The following PRRC2A variants were observed in gnomAD, a reference collection of about 807,000 sequenced individuals.
PRRC2A encodes proline rich coiled-coil 2A.
Under a neutral mutation model 224.6 loss-of-function variants are expected in PRRC2A, and 59 were observed. That is an observed-to-expected ratio of 0.26 (90% CI 0.21 to 0.33). PRRC2A has a LOEUF of 0.33. Among genes scored for constraint, PRRC2A ranks in the 10% least tolerant of loss-of-function variants. The probability of loss-of-function intolerance (pLI) is 1.00; values close to 1 mark genes in which losing one functional copy is unlikely to be tolerated. For missense variants in PRRC2A, 3,095 were observed against 2,880.7 expected, an observed-to-expected ratio of 1.07 and a Z score of -1.70; for synonymous variants, 1,194 against 1,109.5, an observed-to-expected ratio of 1.08 and a Z score of -1.51.
chr6:31,630,913 G>A (rs1776481285), intron 15 of PRRC2A, 112 bp downstream of exon 15: 3 of 1,382,582 alleles, frequency 2.2e-6, no homozygotes, highest in South Asian at 2.7e-5. Context: ...AGGAGAGGCT[G>A]GATGGAGTGG....
chr6:31,620,909 T>TGGTGGCGGTGGC (rs28986177), intron 1 of PRRC2A, 51 bp downstream of exon 1: 43 of 154,278 alleles, frequency 2.8e-4, no homozygotes, highest in South Asian at 8.5e-4. Context: ...GCGGGAGAGG[T>TGGTGGCGGTGGC]GGTGGCGGTG....
rs548021664 is a variant in PRRC2A at position 31,630,520 on chromosome 6, G to A, written c.2255-71G>A. The A allele has an allele frequency of 3.9e-6, 6 of 1,527,772 alleles. No homozygotes were observed. The South Asian group carries it at 4.6e-5, about 12-fold the overall frequency. 94.6% of individuals were successfully genotyped at this position (1,527,772 alleles called of 1,614,324 possible). A position where few individuals can be genotyped will look rare whatever the true frequency, so the allele number is the denominator to read the frequency against. On this transcript the variant is annotated intron_variant, in intron 14 of 30. Transcript: ENST00000376033. Reference sequence around the variant, plus strand: ...TGGAAGAGCTGACTTGACCGCGAGGGGAGATGCTTTTTGGGCTGGAGGGCT... The same window carrying A: ...TGGAAGAGCTGACTTGACCGCGAGGAGAGATGCTTTTTGGGCTGGAGGGCT...
chr6:31,633,076 G>T (rs1362630829), intron 16 of PRRC2A, 84 bp downstream of exon 16: 1 of 1,420,684 alleles, frequency 7.0e-7, no homozygotes. Context: ...TTTGGGTGGA[G>T]TGGAGATTGT....
intron 23 of PRRC2A, 35 bp from the exon 24 acceptor site, chr6:31,635,547 C>T: frequency 6.2e-7 from 1 of 1,611,330 alleles, no homozygotes; most frequent in Non-Finnish European, 8.5e-7. Flanking sequence ...TCCAGGATGC[C>T]AGACATCCCT....
At position 31,628,079 on chromosome 6, in the gene PRRC2A, T is replaced by C; in HGVS notation, c.1605T>C (p.Pro535=). Residue 535 remains proline (P), a synonymous_variant, in exon 12 of 31, where the codon CCT becomes CCC. Coordinates refer to ENST00000376033, the MANE Select transcript of PRRC2A (RefSeq NM_004638.4). ...AACTCCCTGCACCTCCAGCTCCACC[T>C]CCAGCATCAGCCCCAACACCAGAGA... The part of the protein sequence containing the change: ...PKELPAPPAP[P]PASAPTPETE... 13 of 1,612,894 alleles carry C rather than the reference T, an allele frequency of 8.1e-6. No homozygotes were observed. Among genetic ancestry groups the C allele is most frequent in the Non-Finnish European group, 1.1e-5 (13 of 1,179,896 alleles).
intron 1 of PRRC2A, among the ~76,000 whole-genome samples, 167 bp downstream of exon 1, chr6:31,621,025 C>G (rs940899143): frequency 2.6e-5 from 4 of 152,204 alleles, no homozygotes; most frequent in African/African-American, 9.7e-5. Flanking sequence ...CCTCCCCCTC[C>G]GGTACCTCTA....
chr6:31,624,544 G>A (rs972296662), intron 5 of PRRC2A, 22 bp downstream of exon 5: 12 of 1,597,714 alleles, frequency 7.5e-6, no homozygotes, highest in Non-Finnish European at 1.0e-5. Context: ...ACTTAATTGG[G>A]GAGCTGTGTC....
At chr6:31,630,285 C>A (rs1026346335) in intron 14 of PRRC2A, among the ~76,000 whole-genome samples, 1 of 152,026 alleles carries the variant, frequency 6.6e-6, no homozygotes, top group African/African-American at 2.4e-5. Context: ...CCATCGCACT[C>A]CAGCTTAGGC....
In PRRC2A at chr6:31,632,123, A is replaced by G; in HGVS notation, c.3450A>G (p.Pro1150=). 3.2e-6 allele frequency: 5 copies of G among 1,556,988 alleles called. No individual in the cohort carries two copies. Among genetic ancestry groups the G allele is most frequent in the Non-Finnish European group, 4.3e-6 (5 of 1,151,416 alleles). Residue 1150 remains proline, a synonymous_variant, in exon 16 of 31, where the codon CCA becomes CCG. Transcript: ENST00000376033. ...CAGGAGCCCCACCTTCACCAGCCCCAGCCCGCTTCACTGCCCGGGGTGGGC... is the reference window on the plus strand; with the variant it reads ...CAGGAGCCCCACCTTCACCAGCCCCGGCCCGCTTCACTGCCCGGGGTGGGC... The part of the protein sequence containing the change: ...PPPGAPPSPA[P]ARFTARGGRV...
In PRRC2A at chr6:31,635,555, C is replaced by T. The variant is rs929920818; in HGVS notation, c.5374-27C>T. 3.7e-6 allele frequency: 6 copies of T among 1,610,806 alleles called. No individual in the cohort carries two copies. In the African/African-American group the frequency reaches 4.0e-5, roughly 11 times the overall value. ...CAGGGCGTCCAGGATGCCAGACATC[C>T]CTCTCCACGAGGCCTCTCCTTCCCA... On this transcript the variant is annotated intron_variant, in intron 23 of 30. Transcript: ENST00000376033.
Position 31,632,036 on chromosome 6 carries a change from C to G in PRRC2A, c.3363C>G (p.Asp1121Glu). 5 of 1,593,156 alleles carry G rather than the reference C, an allele frequency of 3.1e-6. No individual in the cohort carries two copies. Among genetic ancestry groups the G allele is most frequent in the Non-Finnish European group, 4.3e-6 (5 of 1,167,690 alleles). Reference protein sequence around the residue: ...ETHESDLAPSDKEAPTPKEGT... With the variant: ...ETHESDLAPSEKEAPTPKEGT... ...ATGAGAGTGATCTGGCTCCTTCAGA[C>G]AAGGAGGCTCCCACACCCAAGGAGG... The change falls in exon 16 of 31, where the codon GAC (aspartate) becomes GAG (glutamate). Residue 1121 changes from aspartate (D) to glutamate (E), a missense_variant. This residue lies in a region of PRRC2A where 2,001 missense variants were observed against 1,764.9 expected (regional missense o/e 1.13). Coordinates refer to ENST00000376033, the MANE Select transcript of PRRC2A (RefSeq NM_004638.4).
chr6:31,628,149 C>A lies in PRRC2A; in HGVS notation c.1675C>A (p.Pro559Thr), dbSNP rs45544132. The A allele has an allele frequency of 1.9e-6, 3 of 1,613,032 alleles. No individual in the cohort carries two copies. Among genetic ancestry groups the A allele is most frequent in the South Asian group, 1.1e-5 (1 of 91,082 alleles). The change falls in exon 12 of 31, where the codon CCT becomes ACT. Residue 559 changes from proline to threonine, a missense_variant. Pro to Thr is a conservative substitution (Grantham distance 38, BLOSUM62 -1). This residue lies in a region of PRRC2A where 2,001 missense variants were observed against 1,764.9 expected (regional missense o/e 1.13). Coordinates refer to ENST00000376033, the MANE Select transcript of PRRC2A (RefSeq NM_004638.4). ...PAQAPPAQSTPTPGVAAAPTL... is the reference protein window; with the variant it reads ...PAQAPPAQSTTTPGVAAAPTL... ...ACAGGCCCCTCCTGCCCAATCTACTCCTACTCCAGGTGTGGCTGCGGCTCC... is the reference window on the plus strand; with the variant it reads ...ACAGGCCCCTCCTGCCCAATCTACTACTACTCCAGGTGTGGCTGCGGCTCC...
chr6:31,626,043 C>G lies in PRRC2A; in HGVS notation c.863C>G (p.Pro288Arg). 1 of 1,610,342 alleles carries G rather than the reference C, an allele frequency of 6.2e-7. No individual in the cohort carries two copies. Among genetic ancestry groups the G allele is most frequent in the Non-Finnish European group, 8.5e-7 (1 of 1,178,848 alleles). Residue 288 changes from proline (P) to arginine (R), a missense_variant, in exon 9 of 31, where the codon CCC (proline) becomes CGC (arginine). By Grantham distance (103) the Pro-to-Arg change is moderately radical (BLOSUM62 -2). Transcript: ENST00000376033. ...GPSRFPRVAGPRGSGPPMRLV... is the reference protein window; with the variant it reads ...GPSRFPRVAGRRGSGPPMRLV... ...AGCCGTTTTCCCCGTGTGGCGGGCC[C>G]CCGAGGCTCAGGGCCACCAATGCGC... is the stretch of plus-strand genomic sequence containing the variant.
intron 18 of PRRC2A, 58 bp from the exon 19 acceptor site, chr6:31,634,178 C>G (rs1583227253): frequency 1.3e-6 from 2 of 1,572,622 alleles, no homozygotes; most frequent in Non-Finnish European, 8.6e-7. Context: ...TCCTGGCTTC[C>G]TATAATTCCC....
intron 17 of PRRC2A, 72 bp from the exon 18 acceptor site, chr6:31,633,787 G>A: frequency 6.5e-7 from 1 of 1,534,448 alleles, no homozygotes; most frequent in Non-Finnish European, 8.7e-7. Flanking sequence ...AGAATTGGGA[G>A]GTGGAGTAGA....
At position 31,626,141 on chromosome 6, in the gene PRRC2A, G is replaced by A. The variant is rs1339606621; in HGVS notation, c.961G>A (p.Glu321Lys). ...CAAAGAGTTTGATCAGTTGGATCAG[G>A]AGAATGATGATGGTTGGGCAGGTAA... Reference protein sequence around the residue: ...NLKEFDQLDQENDDGWAGAHE... With the variant: ...NLKEFDQLDQKNDDGWAGAHE... Residue 321 changes from glutamate to lysine, a missense_variant, in exon 9 of 31, where the codon GAG (glutamate) becomes AAG (lysine). Coordinates refer to ENST00000376033, the MANE Select transcript of PRRC2A (RefSeq NM_004638.4). The A allele has an allele frequency of 3.1e-6, 5 of 1,612,796 alleles. No individual in the cohort carries two copies. The highest frequency in any genetic ancestry group is 2.2e-5 in the South Asian group (2 of 91,070).
chr6:31,624,752 T>C, intron 5 of PRRC2A: 1 of 593,398 alleles, frequency 1.7e-6, no homozygotes, highest in Non-Finnish European at 3.0e-6. Flanking sequence ...TGTAGGGGGG[T>C]GAGTTTGAAG....
In PRRC2A at chr6:31,634,268, C is replaced by T. The variant is rs146122581; in HGVS notation, c.4752C>T (p.Phe1584=). 8.5e-5 allele frequency: 136 copies of T among 1,596,410 alleles called. 1 individual carries two copies. The African/African-American group carries it at 1.8e-3, about 22-fold the overall frequency. Residue 1584 remains phenylalanine (F), a synonymous_variant, in exon 19 of 31, where the codon TTC becomes TTT. Transcript: ENST00000376033. ...ESLPPPHSSG[F]LGSKPEGPGP... Reference sequence around the variant, plus strand: ...TGCCACCTCCTCATAGCTCTGGATTCTTGGGCTCTAAGCCTGAGGGCCCAG... The same window carrying T: ...TGCCACCTCCTCATAGCTCTGGATTTTTGGGCTCTAAGCCTGAGGGCCCAG...
rs1775738351 is a variant in PRRC2A at position 31,625,001 on chromosome 6, T to C, written c.464-170T>C. ...TTTTTAGTAGAGATGGGGTTTCACATGTTGGCCAGGATGGTCTCGATCTCT... is the reference window on the plus strand; with the variant it reads ...TTTTTAGTAGAGATGGGGTTTCACACGTTGGCCAGGATGGTCTCGATCTCT... On this transcript the variant is annotated intron_variant, in intron 5 of 30. Coordinates refer to ENST00000376033, the MANE Select transcript of PRRC2A (RefSeq NM_004638.4). This position sits in a 1 kb window ranked among gnomAD's most constrained non-coding sequence, Gnocchi z 4.1. 2.8e-6 allele frequency: 2 copies of C among 716,678 alleles called. No homozygotes were observed. The highest frequency in any genetic ancestry group is 2.6e-5 in the Admixed American group (1 of 38,192). The allele number at this position is 716,678 out of a possible 1,614,324, so 44.4% of individuals were successfully genotyped here.
Sources: allele counts gnomAD v4.1 joint callset (sites outside exome capture counted in the v4.1 genomes callset), GRCh38; gene constraint gnomAD v4.1.1; regional missense constraint gnomAD v4.1.1; non-coding constraint Gnocchi (gnomAD v3.1); transcripts MANE v1.5; gene names NCBI Gene and HGNC (gene_info 2026-07-23, HGNC 2026-07-21).